WFS1: variants seen among roughly 807,000 people sequenced by gnomAD.
The protein encoded by WFS1 is wolframin ER transmembrane glycoprotein.
In WFS1, 90 loss-of-function variants were observed where a neutral mutation model predicts 68.5. That is an observed-to-expected ratio of 1.31 (90% confidence interval 1.11 to 1.56). The LOEUF (loss-of-function observed/expected upper bound fraction) is 1.56, where lower values mean the gene tolerates loss of function less well. WFS1 is among the 40% of genes most tolerant of loss of function. The pLI, the probability that WFS1 is intolerant of heterozygous loss-of-function variation, is 0.00. For synonymous variants in WFS1, 860 were observed against 540.7 expected (o/e 1.59, Z -8.19); for missense variants, 1,767 against 1,232.6 (o/e 1.43, Z -6.49).
chr4:6,296,128 T>C (rs1289697618), intron 7 of WFS1, among the ~76,000 whole-genome samples: 6 of 152,166 alleles, frequency 3.9e-5, no homozygotes, highest in African/African-American at 1.4e-4. Flanking sequence ...GACCAGGAGA[T>C]GGTTGGGCCA....
In WFS1 at chr4:6,302,156, T is replaced by C. The variant is rs768492890; in HGVS notation, c.2361T>C (p.Ala787=). 2.5e-6 allele frequency: 4 copies of C among 1,612,858 alleles called. No homozygotes were observed. Among genetic ancestry groups the C allele is most frequent in the Non-Finnish European group, 3.4e-6 (4 of 1,180,002 alleles). The part of the protein sequence containing the change: ...ITVGMPFSSG[A]DGSRSREEDD... ...TGGGCATGCCATTCAGCAGCGGCGC[T>C]GACGGCTCGCGCAGCCGCGAGGAGG... The change falls in exon 8 of 8, where the codon GCT becomes GCC. Residue 787 remains alanine, a synonymous_variant. Transcript: ENST00000226760.
intron 4 of WFS1, among the ~76,000 whole-genome samples, chr4:6,289,762 G>C (rs1367922592): frequency 1.3e-5 from 2 of 152,250 alleles, no homozygotes; most frequent in African/African-American, 4.8e-5. Flanking sequence ...CTCAGGGAAA[G>C]ATGAAAGTGG....
chr4:6,286,244 ACC>A (rs962969558), intron 2 of WFS1, among the ~76,000 whole-genome samples: 2 of 152,072 alleles, frequency 1.3e-5, no homozygotes, highest in African/African-American at 4.8e-5. Flanking sequence ...TGAGGTCTTC[ACC>A]CCCAGTCCCA....
intron 1 of WFS1, among the ~76,000 whole-genome samples, chr4:6,276,233 G>A (rs919707744): frequency 3.3e-4 from 50 of 152,160 alleles, no homozygotes; most frequent in Non-Finnish European, 4.9e-4. Flanking sequence ...CCCTAACGCC[G>A]CTCATCCAGG....
At chr4:6,277,871 G>A (rs1730045962) in intron 2 of WFS1, among the ~76,000 whole-genome samples, 184 bp downstream of exon 2, 1 of 152,244 alleles carries the variant, frequency 6.6e-6, no homozygotes, top group African/African-American at 2.4e-5. Context: ...CCTTGCACCT[G>A]TCACCTTTGT....
At chr4:6,271,280 T>C (rs1729831931) in intron 1 of WFS1, among the ~76,000 whole-genome samples, 1 of 152,224 alleles carries the variant, frequency 6.6e-6, no homozygotes, top group Admixed American at 6.5e-5. Context: ...ACCTGCTGGT[T>C]TGTCCTCCCT....
chr4:6,300,706 T>A lies in WFS1; in HGVS notation c.911T>A (p.Ile304Asn). Reference protein sequence around the residue: ...HAIMEIKEYLIDMASRAGMHW... With the variant: ...HAIMEIKEYLNDMASRAGMHW... ...ATCATGGAGATCAAGGAGTACCTGATTGACATGGCCTCCAGGGCAGGCATG... is the reference window on the plus strand; with the variant it reads ...ATCATGGAGATCAAGGAGTACCTGAATGACATGGCCTCCAGGGCAGGCATG... Residue 304 changes from isoleucine (I) to asparagine (N), a missense_variant, in exon 8 of 8, where the codon ATT becomes AAT. Physicochemically the swap from Ile to Asn is moderately radical, Grantham distance 149 (BLOSUM62 -3). Coordinates refer to ENST00000226760, the MANE Select transcript of WFS1 (RefSeq NM_006005.3). 6.2e-7 allele frequency: 1 copy of A among 1,614,044 alleles called. No individual in the cohort carries two copies. The highest frequency in any genetic ancestry group is 1.7e-5 in the Admixed American group (1 of 60,004).
chr4:6,280,082 A>G (rs944571385), intron 2 of WFS1, among the ~76,000 whole-genome samples: 5 of 152,220 alleles, frequency 3.3e-5, no homozygotes, highest in African/African-American at 9.6e-5. Context: ...AGGTAAAGGA[A>G]ACAGTGACTC....
At chr4:6,296,155 C>T (rs1447940103) in intron 7 of WFS1, among the ~76,000 whole-genome samples, 3 of 152,246 alleles carry the variant, frequency 2.0e-5, no homozygotes, top group East Asian at 1.9e-4. Flanking sequence ...GTCAGGCAGG[C>T]AGCAGGCTGA....
At chr4:6,288,905 G>C in intron 3 of WFS1, 82 bp from the exon 4 acceptor site, 1 of 1,556,838 alleles carries the variant, frequency 6.4e-7, no homozygotes, top group Non-Finnish European at 8.7e-7. Flanking sequence ...AAGGGAAGTG[G>C]GTGAAAGGAG....
At chr4:6,294,648 G>T (rs1346493291) in intron 6 of WFS1, 4 of 330,700 alleles carry the variant, frequency 1.2e-5, no homozygotes, top group Non-Finnish European at 2.4e-5. Context: ...CACCCGTGCT[G>T]TGAGAAGCCC....
intron 7 of WFS1, among the ~76,000 whole-genome samples, chr4:6,299,977 G>T (rs977625417): frequency 3.3e-5 from 5 of 150,264 alleles, no homozygotes; most frequent in African/African-American, 5.0e-5. Flanking sequence ...GTGTGCACGT[G>T]TGTGTACGGG....
intron 2 of WFS1, among the ~76,000 whole-genome samples, chr4:6,284,062 G>A (rs547653806): frequency 1.1e-3 from 160 of 152,200 alleles, no homozygotes; most frequent in African/African-American, 3.6e-3. Context: ...AATGAAGAGG[G>A]TGTGTGTCCA....
rs1322876098 is a variant in WFS1 at position 6,301,343 on chromosome 4, C to T, written c.1548C>T (p.Phe516=). 1 of 1,612,188 alleles carries T rather than the reference C, an allele frequency of 6.2e-7. No individual in the cohort carries two copies. The highest frequency in any genetic ancestry group is 1.7e-5 in the Admixed American group (1 of 60,032). The change falls in exon 8 of 8, where the codon TTC becomes TTT. Residue 516 remains phenylalanine (F), a synonymous_variant. Transcript: ENST00000226760. ...LLYVYLLYLF[F]RMAQLRNFKG... ...ATGTCTACCTGCTCTATCTCTTCTT[C>T]CGCATGGCACAGCTGAGGAATTTCA...
At position 6,292,923 on chromosome 4, in the gene WFS1, G is replaced by T. The variant is rs142246306; in HGVS notation, c.712+926G>T. 6.6e-5 allele frequency among the ~76,000 whole-genome samples: 10 copies of T among 152,342 alleles called. No homozygotes were observed. The South Asian group carries it at 2.1e-3, about 32-fold the overall frequency. On this transcript the variant is annotated intron_variant, in intron 6 of 7. Transcript: ENST00000226760. The stretch of plus-strand genomic sequence containing the variant: ...TTCCCACTGGGCCCGTGAGGAAACC[G>T]TCCATAGGGTGTGGTCAGAGCCCTC...
rs774809775 is a variant in WFS1, at chr4:6,301,674, C to G, written c.1879C>G (p.Leu627Val). ...SFSVVGMVKS[L>V]TRSSMVKLIL... The stretch of plus-strand genomic sequence containing the variant: ...CTCTGTGGTGGGGATGGTGAAGTCC[C>G]TGACGCGGAGCTCCATGGTCAAGCT... Residue 627 changes from leucine to valine, a missense_variant, in exon 8 of 8, where the codon CTG (leucine) becomes GTG (valine). Leu to Val is a conservative substitution (Grantham distance 32). Coordinates refer to ENST00000226760, the MANE Select transcript of WFS1 (RefSeq NM_006005.3). 6 of 1,614,110 alleles carry G rather than the reference C, an allele frequency of 3.7e-6. No individual in the cohort carries two copies. Among genetic ancestry groups the G allele is most frequent in the Admixed American group, 1.7e-5 (1 of 60,028 alleles).
intron 6 of WFS1, among the ~76,000 whole-genome samples, chr4:6,293,730 A>G (rs559614297): frequency 5.9e-5 from 9 of 152,276 alleles, no homozygotes; most frequent in African/African-American, 1.7e-4. Context: ...ATTCATCCCT[A>G]TGAGGACAGG....
chr4:6,294,911 C>A, intron 6 of WFS1, 130 bp from the exon 7 acceptor site: 1 of 1,503,570 alleles, frequency 6.7e-7, no homozygotes, highest in Non-Finnish European at 9.1e-7. Flanking sequence ...GAAGGGTTTC[C>A]TCCACCTGAA....
At chr4:6,282,958 G>A (rs1251438011) in intron 2 of WFS1, among the ~76,000 whole-genome samples, 1 of 152,230 alleles carries the variant, frequency 6.6e-6, no homozygotes, top group Non-Finnish European at 1.5e-5. Context: ...GTACTGTCCA[G>A]CGTCGTAGTG....
Sources: gnomAD v4.1 joint callset for allele counts (sites outside exome capture counted in the v4.1 genomes callset) on GRCh38, gnomAD v4.1.1 for gene constraint, MANE v1.5 for transcripts, NCBI Gene and HGNC (gene_info 2026-07-23, HGNC 2026-07-21) for gene names.